Variants in FABP12 observed in about 807,000 individuals in gnomAD.
FABP12 encodes fatty acid binding protein 12.
Under a neutral mutation model 13.7 loss-of-function variants are expected in FABP12, and 19 were observed. That is an observed-to-expected ratio of 1.39 (90% CI 0.97 to 2.04). FABP12 has a LOEUF of 2.04. FABP12 is among the 30% of genes most tolerant of loss of function. The pLI is 0.00. For missense variants in FABP12, 182 were observed against 164.2 expected, an observed-to-expected ratio of 1.11 and a Z score of -0.59; for synonymous variants, 61 against 57.0, an observed-to-expected ratio of 1.07 and a Z score of -0.32.
upstream of FABP12, among the ~76,000 whole-genome samples, chr8:81,535,871 G>A (rs746873350): frequency 3.3e-5 from 5 of 152,108 alleles, no homozygotes; most frequent in Non-Finnish European, 7.4e-5. Flanking sequence ...CTACTGGGGC[G>A]CTCATCCTTA....
intron 1 of FABP12, among the ~76,000 whole-genome samples, chr8:81,554,907 G>C (rs1051524187): frequency 6.6e-6 from 1 of 152,118 alleles, no homozygotes; most frequent in African/African-American, 2.4e-5. Flanking sequence ...TGTGGCCCAG[G>C]TGGGCCACAG....
At chr8:81,580,513 A>G (rs538013991) in intron 1 of FABP12, among the ~76,000 whole-genome samples, 1 of 152,160 alleles carries the variant, frequency 6.6e-6, no homozygotes, top group African/African-American at 2.4e-5. Context: ...ATTTCTACAC[A>G]GGGTAAACAG....
intron 1 of FABP12, among the ~76,000 whole-genome samples, chr8:81,548,070 C>T (rs1252362659): frequency 6.6e-6 from 1 of 152,176 alleles, no homozygotes; most frequent in Admixed American, 6.5e-5. Flanking sequence ...TCCTTCCTCT[C>T]ATCTCTTTTC....
At chr8:81,543,061 C>A (rs568683102) in intron 1 of FABP12, among the ~76,000 whole-genome samples, 1 of 152,272 alleles carries the variant, frequency 6.6e-6, no homozygotes, top group Admixed American at 6.5e-5. Context: ...CTGATATAAT[C>A]TCCAATTTAG....
chr8:81,531,253 C>A, exon 2 of FABP12: 1 of 1,606,342 alleles, frequency 6.2e-7, no homozygotes, highest in Admixed American at 1.7e-5. Flanking sequence ...CCAGCTCCTT[C>A]ATGTAGTCTT....
chr8:81,568,529 G>C (rs534036962), intron 1 of FABP12, among the ~76,000 whole-genome samples: 1 of 152,298 alleles, frequency 6.6e-6, no homozygotes, highest in South Asian at 2.1e-4. Flanking sequence ...CACTGCTGAT[G>C]GGAATGTAAA....
intron 1 of FABP12, among the ~76,000 whole-genome samples, chr8:81,554,633 G>A (rs1248627014): frequency 6.6e-6 from 1 of 152,014 alleles, no homozygotes; most frequent in Non-Finnish European, 1.5e-5. Context: ...GCATCTTTAG[G>A]CATTGACTAC....
chr8:81,573,256 T>C (rs780068813), intron 1 of FABP12, among the ~76,000 whole-genome samples: 4 of 152,192 alleles, frequency 2.6e-5, no homozygotes, highest in Non-Finnish European at 5.9e-5. Context: ...ATCAGTTGGC[T>C]CTAAGTATTT....
At chr8:81,540,611 G>A (rs879634778) in intron 1 of FABP12, among the ~76,000 whole-genome samples, 1 of 152,140 alleles carries the variant, frequency 6.6e-6, no homozygotes, top group Non-Finnish European at 1.5e-5. Flanking sequence ...ACAGATCTGT[G>A]GAAACTAAGG....
intron 1 of FABP12, among the ~76,000 whole-genome samples, chr8:81,556,759 A>G (rs1200583966): frequency 6.8e-6 from 1 of 147,574 alleles, no homozygotes; most frequent in Non-Finnish European, 1.5e-5. Flanking sequence ...TTTTAAATAT[A>G]TATTTATATA....
chr8:81,525,555 TGATAGATA>T (rs571165240), intron 4 of FABP12, among the ~76,000 whole-genome samples: 3 of 148,324 alleles, frequency 2.0e-5, no homozygotes, highest in African/African-American at 7.7e-5. Flanking sequence ...GATAGATAGA[TGATAGATA>T]GATAGATAGA....
chr8:81,562,402 A>G (rs866954248), intron 1 of FABP12, among the ~76,000 whole-genome samples: 1 of 152,128 alleles, frequency 6.6e-6, no homozygotes, highest in Admixed American at 6.6e-5. Flanking sequence ...AGGGAAAAGT[A>G]AAGGGACTTC....
chr8:81,552,909 T>C (rs1809544582), intron 1 of FABP12, among the ~76,000 whole-genome samples: 1 of 152,134 alleles, frequency 6.6e-6, no homozygotes, highest in African/African-American at 2.4e-5. Flanking sequence ...GGGGGAACAA[T>C]GGGACCAGTC....
intron 1 of FABP12, among the ~76,000 whole-genome samples, chr8:81,549,384 T>C (rs543509777): frequency 6.6e-6 from 1 of 152,122 alleles, no homozygotes; most frequent in Non-Finnish European, 1.5e-5. Context: ...CTTTATCTGA[T>C]TGTAATTCTG....
chr8:81,570,380 C>T (rs1809907247), intron 1 of FABP12, among the ~76,000 whole-genome samples: 1 of 152,142 alleles, frequency 6.6e-6, no homozygotes, highest in African/African-American at 2.4e-5. Flanking sequence ...TGTTCTGCTA[C>T]CAGGAAGAAT....
intron 1 of FABP12, among the ~76,000 whole-genome samples, chr8:81,568,462 C>T (rs531589998): frequency 1.0e-3 from 153 of 152,190 alleles, no homozygotes; most frequent in African/African-American, 3.6e-3. Context: ...GGATTTTATC[C>T]AAAAGACAGG....
chr8:81,587,905 AG>A (rs1403671365), intron 1 of FABP12, among the ~76,000 whole-genome samples: 3 of 152,182 alleles, frequency 2.0e-5, no homozygotes, highest in African/African-American at 7.2e-5. Flanking sequence ...CTTCAAAAGT[AG>A]GGAAGCCGAC....
At chr8:81,578,547 A>G (rs1163025730) in intron 1 of FABP12, among the ~76,000 whole-genome samples, 1 of 148,562 alleles carries the variant, frequency 6.7e-6, no homozygotes. Flanking sequence ...GTGCAATGGC[A>G]TGATCTCAGC....
At chr8:81,534,001 G>T (rs192059008), upstream of FABP12, among the ~76,000 whole-genome samples, 7 of 152,110 alleles carry the variant, frequency 4.6e-5, no homozygotes, top group Non-Finnish European at 4.4e-5. Context: ...AACACATTAG[G>T]CACTCTGTTT....
Sources: allele counts gnomAD v4.1 joint callset (sites outside exome capture counted in the v4.1 genomes callset), GRCh38; gene constraint gnomAD v4.1.1; transcripts MANE v1.5; gene names NCBI Gene and HGNC (gene_info 2026-07-23, HGNC 2026-07-21).